Variants in SHISA9 observed in about 807,000 individuals in gnomAD.
The protein encoded by SHISA9 is protein shisa-9.
In SHISA9, 13 loss-of-function variants were observed where a neutral mutation model predicts 38.0. That is an observed-to-expected ratio of 0.34 (90% CI 0.22 to 0.54). SHISA9 has a LOEUF of 0.54. Among genes scored for constraint, SHISA9 ranks in the 20% least tolerant of loss-of-function variants. The pLI, the probability that SHISA9 is intolerant of heterozygous loss-of-function variation, is 0.91. For synonymous variants in SHISA9, 275 were observed against 242.0 expected (o/e 1.14, Z -1.27); for missense variants, 538 against 575.8 (o/e 0.93, Z 0.67).
At chr16:13,232,708 G>A (rs922915048) in intron 4 of SHISA9, among the ~76,000 whole-genome samples, 1 of 152,206 alleles carries the variant, frequency 6.6e-6, no homozygotes, top group East Asian at 1.9e-4. Context: ...TGAGTGGGGA[G>A]CTTCAAGGCT....
intron 2 of SHISA9, among the ~76,000 whole-genome samples, chr16:13,074,416 C>T (rs1432445495): frequency 6.6e-6 from 1 of 152,076 alleles, no homozygotes; most frequent in Non-Finnish European, 1.5e-5. Flanking sequence ...TCTTACCCAC[C>T]CAAGGATCAG....
At chr16:13,083,611 C>T (rs1249194167) in intron 2 of SHISA9, among the ~76,000 whole-genome samples, 1 of 152,174 alleles carries the variant, frequency 6.6e-6, no homozygotes, top group African/African-American at 2.4e-5. Context: ...AATTGCATCT[C>T]AGAGCTGGTT....
chr16:13,260,573 G>A, the SHISA9 span, among the ~76,000 whole-genome samples: 10 of 152,228 alleles, frequency 6.6e-5, no homozygotes, highest in African/African-American at 2.4e-4. Flanking sequence ...TTCCCAAGAA[G>A]TTCATCATCT....
chr16:12,979,593 G>A (rs1224445033), intron 2 of SHISA9, among the ~76,000 whole-genome samples: 1 of 152,016 alleles, frequency 6.6e-6, no homozygotes, highest in Non-Finnish European at 1.5e-5. Flanking sequence ...GTATAGTCTT[G>A]AACGTGTATA....
At chr16:13,023,280 T>C (rs2072879964) in intron 2 of SHISA9, among the ~76,000 whole-genome samples, 1 of 152,228 alleles carries the variant, frequency 6.6e-6, no homozygotes, top group Non-Finnish European at 1.5e-5. Context: ...TTTGGTTTTC[T>C]GTCCTTATGA....
At chr16:13,252,886 A>G in the SHISA9 span, among the ~76,000 whole-genome samples, 2 of 152,160 alleles carry the variant, frequency 1.3e-5, no homozygotes, top group Non-Finnish European at 2.9e-5. Context: ...CTTGAACAAC[A>G]TGGGTTTGAA....
rs1250067063 is a variant in SHISA9 at position 13,213,238 on chromosome 16, T to C, written c.848-15T>C. ...CAAACAGATCATCAGCATTTCTTGA[T>C]TGTTATTTTTTTAGGAAGTTCTGAT... On this transcript the variant is annotated splice_polypyrimidine_tract_variant and intron_variant, in intron 3 of 4. Transcript: ENST00000558583. The C allele has an allele frequency of 1.9e-6, 3 of 1,550,874 alleles. No homozygotes were observed. Among genetic ancestry groups the C allele is most frequent in the African/African-American group, 1.4e-5 (1 of 73,008 alleles).
chr16:12,932,560 C>T (rs893350415), intron 2 of SHISA9, among the ~76,000 whole-genome samples: 14 of 151,928 alleles, frequency 9.2e-5, no homozygotes, highest in African/African-American at 9.7e-5. Context: ...AGGCTGGTCT[C>T]GAGAACTCCT....
intron 4 of SHISA9, among the ~76,000 whole-genome samples, chr16:13,217,441 C>G (rs1353086069): frequency 6.6e-6 from 1 of 152,162 alleles, no homozygotes; most frequent in East Asian, 1.9e-4. Flanking sequence ...TACAGCAAGG[C>G]AATCAAATTA....
the SHISA9 span, among the ~76,000 whole-genome samples, chr16:13,488,279 A>C: frequency 6.6e-6 from 1 of 151,606 alleles, no homozygotes; most frequent in Non-Finnish European, 1.5e-5. Context: ...TTATAATTTT[A>C]TGTCAAAGAA....
At chr16:13,190,704 G>A (rs1181795037) in intron 2 of SHISA9, among the ~76,000 whole-genome samples, 1 of 152,060 alleles carries the variant, frequency 6.6e-6, no homozygotes, top group Non-Finnish European at 1.5e-5. Flanking sequence ...AGCACAACCG[G>A]GATTTTGAAA....
the SHISA9 span, among the ~76,000 whole-genome samples, chr16:13,498,472 C>A: frequency 2.6e-5 from 4 of 152,208 alleles, no homozygotes; most frequent in Non-Finnish European, 4.4e-5. Context: ...AGAAAGTAGT[C>A]ACGGCTGGGC....
At chr16:13,103,864 G>A (rs1465744141) in intron 2 of SHISA9, among the ~76,000 whole-genome samples, 3 of 152,176 alleles carry the variant, frequency 2.0e-5, no homozygotes, top group Non-Finnish European at 4.4e-5. Flanking sequence ...AGATGCTTAC[G>A]AAGGTGCTAA....
the SHISA9 span, among the ~76,000 whole-genome samples, chr16:13,359,851 G>GTGA: frequency 6.6e-6 from 1 of 152,220 alleles, no homozygotes. Context: ...GTTAGATAAA[G>GTGA]TGAATTCATT....
chr16:13,381,724 T>C, the SHISA9 span, among the ~76,000 whole-genome samples: 11 of 152,216 alleles, frequency 7.2e-5, no homozygotes, highest in Non-Finnish European at 1.2e-4. Flanking sequence ...ATATATTATC[T>C]ATAAACCTAA....
intron 2 of SHISA9, among the ~76,000 whole-genome samples, chr16:12,954,751 A>G (rs371693304): frequency 1.3e-5 from 2 of 152,350 alleles, no homozygotes; most frequent in East Asian, 1.9e-4. Flanking sequence ...TAGAGGGTAC[A>G]TGGCACATCT....
At chr16:13,021,216 C>T (rs895058997) in intron 2 of SHISA9, among the ~76,000 whole-genome samples, 2 of 152,130 alleles carry the variant, frequency 1.3e-5, no homozygotes, top group African/African-American at 4.8e-5. Context: ...CATTTGGAGA[C>T]ATTTTTTATT....
the SHISA9 span, among the ~76,000 whole-genome samples, chr16:13,276,695 G>T: frequency 6.6e-6 from 1 of 151,922 alleles, no homozygotes; most frequent in African/African-American, 2.4e-5. Flanking sequence ...TCATATGTTT[G>T]TTGGCCATTT....
intron 2 of SHISA9, among the ~76,000 whole-genome samples, chr16:13,050,471 A>G (rs2073238528): frequency 6.6e-6 from 1 of 152,090 alleles, no homozygotes; most frequent in African/African-American, 2.4e-5. Flanking sequence ...GGCTGGGACT[A>G]CAGGTGGACA....
Sources: allele counts gnomAD v4.1 joint callset (sites outside exome capture counted in the v4.1 genomes callset), GRCh38; gene constraint gnomAD v4.1.1; transcripts MANE v1.5; gene names NCBI Gene and HGNC (gene_info 2026-07-23, HGNC 2026-07-21).